Variants in VAPB observed in about 807,000 individuals in gnomAD.
The protein encoded by VAPB is vesicle-associated membrane protein-associated protein B/C.
In VAPB, 7 loss-of-function variants were observed where a neutral mutation model predicts 25.6. The ratio of observed to expected loss-of-function variants is 0.27; its 90% confidence interval spans 0.16 to 0.51. VAPB has a LOEUF of 0.51. Ranked by LOEUF, VAPB falls within the 20% of genes least tolerant of loss-of-function variation. The pLI is 0.97. For synonymous variants in VAPB, 112 were observed against 109.2 expected, an observed-to-expected ratio of 1.03 and a Z score of -0.16; for missense variants, 266 against 301.3, an observed-to-expected ratio of 0.88 and a Z score of 0.87.
At position 58,445,979 on chromosome 20, in the gene VAPB, A is replaced by G. The variant is rs1240719184; in HGVS notation, c.*1744A>G. 1 of 453,950 alleles carries G rather than the reference A, an allele frequency of 2.2e-6. No individual in the cohort carries two copies. The highest frequency in any genetic ancestry group is 6.9e-5 in the East Asian group (1 of 14,412). 28.1% of individuals were successfully genotyped at this position (453,950 alleles called of 1,614,324 possible). A position where few individuals can be genotyped will look rare whatever the true frequency, so the allele number is the denominator to read the frequency against. ...ACATACGTTGAGCCACGTTGCTCCT[A>G]AGCCTGGCTCTGTCAAGCTGGGTCA... On this transcript the variant is annotated 3_prime_UTR_variant, in exon 6 of 6. Transcript: ENST00000475243.
intron 2 of VAPB, among the ~76,000 whole-genome samples, chr20:58,431,821 A>G (rs1296145147): frequency 2.6e-5 from 4 of 152,064 alleles, no homozygotes; most frequent in Non-Finnish European, 5.9e-5. Context: ...GGCCTCCCAA[A>G]GTGCTGGTGT....
intron 1 of VAPB, among the ~76,000 whole-genome samples, chr20:58,402,579 T>C (rs1793024415): frequency 6.6e-6 from 1 of 151,536 alleles, no homozygotes; most frequent in Admixed American, 6.6e-5. Context: ...TTTTTTTTTT[T>C]TTAGATTGTG....
chr20:58,412,413 C>G (rs1239485178), intron 1 of VAPB, among the ~76,000 whole-genome samples: 4 of 151,192 alleles, frequency 2.6e-5, no homozygotes, highest in African/African-American at 4.8e-5. Flanking sequence ...AACCCTGTCT[C>G]TATTAAAAAT....
chr20:58,389,539 C>G (rs530257465), intron 1 of VAPB, 22 bp downstream of exon 1: 19 of 1,563,506 alleles, frequency 1.2e-5, no homozygotes, highest in Non-Finnish European at 1.6e-5. Flanking sequence ...AGGCCGCCAC[C>G]TTCCTGCCCG....
At position 58,418,256 on chromosome 20, in the gene VAPB, C is replaced by T. The variant is rs1456089445; in HGVS notation, c.104C>T (p.Pro35Leu). ...VVTTNLKLGN[P>L]TDRNVCFKVK... ...ACCACCAACCTAAAGCTTGGCAACC[C>T]GACAGACCGAAATGTGTGTTTTAAG... The change falls in exon 2 of 6, where the codon CCG becomes CTG. Residue 35 changes from proline to leucine, a missense_variant. By Grantham distance (98) the Pro-to-Leu change is moderately conservative. Transcript: ENST00000475243. 16 of 1,613,954 alleles carry T rather than the reference C, an allele frequency of 9.9e-6. No homozygotes were observed. Among genetic ancestry groups the T allele is most frequent in the Admixed American group, 5.0e-5 (3 of 59,994 alleles).
intron 2 of VAPB, among the ~76,000 whole-genome samples, chr20:58,428,452 T>G (rs1988855967): frequency 6.6e-6 from 1 of 152,184 alleles, no homozygotes; most frequent in Admixed American, 6.5e-5. Context: ...AGCGTAACAG[T>G]GCTTAAACTT....
chr20:58,401,423 C>G (rs1988092775), intron 1 of VAPB, among the ~76,000 whole-genome samples: 1 of 152,124 alleles, frequency 6.6e-6, no homozygotes. Flanking sequence ...TTCTTCACTT[C>G]TAGTCACTGC....
At chr20:58,434,800 A>G (rs1261788627) in intron 3 of VAPB, 95 bp downstream of exon 3, 2 of 706,056 alleles carry the variant, frequency 2.8e-6, no homozygotes, top group Admixed American at 4.1e-5. Flanking sequence ...AAAATATGTC[A>G]AAATTATTTA....
Position 58,450,918 on chromosome 20 carries a change from CATG to C in VAPB, c.*6687_*6689del, listed in dbSNP as rs574681539. 982 of 454,078 alleles carry C rather than the reference CATG, an allele frequency of 2.2e-3. 10 individuals are homozygous for C. The highest frequency in any genetic ancestry group is 0.018 in the African/African-American group (889 of 50,098). 28.1% of individuals were successfully genotyped at this position (454,078 alleles called of 1,614,324 possible). A position where few individuals can be genotyped will look rare whatever the true frequency, so the allele number is the denominator to read the frequency against. ...AATAAATTCATGGCTTGGCAGCTGA[CATG>C]ATGTTTCCCAGAGAGAAGGAGATGT... On this transcript the variant is annotated 3_prime_UTR_variant, in exon 6 of 6. Coordinates refer to ENST00000475243, the MANE Select transcript of VAPB (RefSeq NM_004738.5).
chr20:58,410,309 G>T (rs548069889), intron 1 of VAPB, among the ~76,000 whole-genome samples: 3 of 152,258 alleles, frequency 2.0e-5, no homozygotes, highest in Admixed American at 2.0e-4. Flanking sequence ...ATAATGACAT[G>T]TATCCACCAT....
chr20:58,414,896 C>T (rs1365713209), intron 1 of VAPB, among the ~76,000 whole-genome samples: 5 of 152,206 alleles, frequency 3.3e-5, no homozygotes, highest in African/African-American at 9.7e-5. Flanking sequence ...GAGGTTGTAG[C>T]GAGCCGAGAT....
At chr20:58,400,459 C>T (rs1381123961) in intron 1 of VAPB, among the ~76,000 whole-genome samples, 2 of 152,196 alleles carry the variant, frequency 1.3e-5, no homozygotes, top group South Asian at 2.1e-4. Flanking sequence ...ATTAACCTTT[C>T]CTGAGTATTC....
rs1283010168 is a variant in VAPB at position 58,444,005 on chromosome 20, C to T, written c.574-72C>T. ...AACACTGGGCATAAACAGCCCATCC[C>T]GTTAAGCTGTACAGTTGACTCCCCT... On this transcript the variant is annotated intron_variant, in intron 5 of 5. Transcript: ENST00000475243. 8 of 1,607,638 alleles carry T rather than the reference C, an allele frequency of 5.0e-6. No homozygotes were observed. The Admixed American group carries it at 5.0e-5, about 10-fold the overall frequency.
chr20:58,431,510 G>A (rs976244784), intron 2 of VAPB: 2 of 151,924 alleles, frequency 1.3e-5, no homozygotes, highest in African/African-American at 4.8e-5. Context: ...GCTGGCCATG[G>A]GACCCAGGTG....
intron 1 of VAPB, among the ~76,000 whole-genome samples, chr20:58,410,145 C>T (rs1988341169): frequency 6.6e-6 from 1 of 152,102 alleles, no homozygotes; most frequent in Non-Finnish European, 1.5e-5. Context: ...CCCACACATG[C>T]ATCATAACCC....
chr20:58,432,062 A>G (rs981358491), intron 2 of VAPB, among the ~76,000 whole-genome samples: 6 of 152,142 alleles, frequency 3.9e-5, no homozygotes, highest in Non-Finnish European at 8.8e-5. Context: ...GGAGAAATGG[A>G]AAGGAAGGAC....
At chr20:58,408,674 CAG>C (rs1292434566) in intron 1 of VAPB, among the ~76,000 whole-genome samples, 2 of 151,962 alleles carry the variant, frequency 1.3e-5, no homozygotes, top group Non-Finnish European at 2.9e-5. Flanking sequence ...ATTATTGACA[CAG>C]TGAGCATTTT....
chr20:58,446,740 A>G lies in VAPB; in HGVS notation c.*2505A>G, dbSNP rs919629659. Reference sequence around the variant, plus strand: ...GGCCTTTTGACTGAGTGGCAGAAGGAAACTGCTCAGGAAGAGAAACAGGTG... The same window carrying G: ...GGCCTTTTGACTGAGTGGCAGAAGGGAACTGCTCAGGAAGAGAAACAGGTG... On this transcript the variant is annotated 3_prime_UTR_variant, in exon 6 of 6. Transcript: ENST00000475243. The G allele has an allele frequency of 3.3e-5, 15 of 453,964 alleles. 1 individual carries two copies. Among genetic ancestry groups the G allele is most frequent in the Non-Finnish European group, 4.4e-6 (1 of 226,798 alleles). The allele number at this position is 453,964 out of a possible 1,614,324, so 28.1% of individuals were successfully genotyped here. A position where few individuals can be genotyped will look rare whatever the true frequency, so the allele number is the denominator to read the frequency against.
Position 58,444,285 on chromosome 20 carries a change from T to C in VAPB, c.*50T>C. 6.2e-7 allele frequency: 1 copy of C among 1,613,662 alleles called. No individual in the cohort carries two copies. On this transcript the variant is annotated 3_prime_UTR_variant, in exon 6 of 6. Transcript: ENST00000475243. ...TTGGATTGGTGGATCCACCATATCATGGGATTTAAATTTATCATAACCATG... is the reference window on the plus strand; with the variant it reads ...TTGGATTGGTGGATCCACCATATCACGGGATTTAAATTTATCATAACCATG...
Sources: allele counts gnomAD v4.1 joint callset (sites outside exome capture counted in the v4.1 genomes callset), GRCh38; gene constraint gnomAD v4.1.1; transcripts MANE v1.5; gene names NCBI Gene and HGNC (gene_info 2026-07-23, HGNC 2026-07-21).